The following CDH8 variants were observed in gnomAD, a reference collection of about 807,000 sequenced individuals.
CDH8 encodes cadherin-8.
CDH8 carries 17 observed loss-of-function variants against 68.1 expected under a neutral mutation model. The observed-to-expected ratio is 0.25, with a 90% CI of 0.17 to 0.37. CDH8 has a LOEUF of 0.37. Ranked by LOEUF, CDH8 falls within the 10% of genes least tolerant of loss-of-function variation. The pLI is 1.00. For synonymous variants in CDH8, 372 were observed against 365.1 expected (o/e 1.02, Z -0.21); for missense variants, 763 against 999.3 (o/e 0.76, Z 3.19).
chr16:61,828,073 C>T (rs1369278771), intron 4 of CDH8, among the ~76,000 whole-genome samples: 1 of 151,812 alleles, frequency 6.6e-6, no homozygotes, highest in South Asian at 2.1e-4. Flanking sequence ...GAACAAGATA[C>T]AGATCATAAA....
chr16:61,705,866 T>C (rs11643658), intron 10 of CDH8, among the ~76,000 whole-genome samples: 31,076 of 152,210 alleles, frequency 0.2, 3,706 homozygotes, highest in African/African-American at 0.32. Context: ...TTGTAAATTA[T>C]AGTTTCCTCT....
intron 2 of CDH8, among the ~76,000 whole-genome samples, chr16:61,939,773 T>C (rs910926795): frequency 6.6e-6 from 1 of 152,170 alleles, no homozygotes; most frequent in African/African-American, 2.4e-5. Flanking sequence ...GGTTTAGCAA[T>C]TTGTAGAAAG....
intron 2 of CDH8, among the ~76,000 whole-genome samples, chr16:61,948,751 G>A (rs2143573416): frequency 6.6e-6 from 1 of 152,230 alleles, no homozygotes; most frequent in South Asian, 2.1e-4. Context: ...TTGGAACAGT[G>A]TCTTTTTAAG....
At chr16:61,677,035 T>A (rs1006246356) in intron 10 of CDH8, among the ~76,000 whole-genome samples, 1 of 151,976 alleles carries the variant, frequency 6.6e-6, no homozygotes, top group African/African-American at 2.4e-5. Flanking sequence ...AAAAGATGGC[T>A]TTTTATAAAC....
At position 61,648,577 on chromosome 16, in the gene CDH8, C is replaced by T. The variant is rs1211479260; in HGVS notation, c.*5031G>A. ...GGGATTTAGTGTCAGATCAACCAAA[C>T]TTAAACCCAGACTCAAATAGTATTT... On this transcript the variant is annotated 3_prime_UTR_variant, in exon 12 of 12. Transcript: ENST00000577390. 1 of 151,624 alleles carries T rather than the reference C, an allele frequency of 6.6e-6. No individual in the cohort carries two copies. The highest frequency in any genetic ancestry group is 1.5e-5 in the Non-Finnish European group (1 of 67,810). The allele number at this position is 151,624 out of a possible 1,614,324, so 9.4% of individuals were successfully genotyped here. A position where few individuals can be genotyped will look rare whatever the true frequency, so the allele number is the denominator to read the frequency against.
chr16:61,835,718 T>C (rs1376064364), intron 4 of CDH8, among the ~76,000 whole-genome samples: 1 of 152,006 alleles, frequency 6.6e-6, no homozygotes, highest in African/African-American at 2.4e-5. Context: ...GGCACTATTC[T>C]TTCCTTAAGC....
intron 8 of CDH8, among the ~76,000 whole-genome samples, chr16:61,753,452 C>T (rs910661866): frequency 3.9e-5 from 6 of 152,064 alleles, no homozygotes; most frequent in South Asian, 2.1e-4. Context: ...GCTGCCCAGG[C>T]GGGTCTCAGA....
intron 2 of CDH8, among the ~76,000 whole-genome samples, chr16:61,951,214 T>A (rs1845728795): frequency 6.6e-6 from 1 of 152,032 alleles, no homozygotes; most frequent in Non-Finnish European, 1.5e-5. Context: ...AATACATGTA[T>A]AAAAGATGCC....
chr16:61,657,441 T>A (rs192449264), intron 10 of CDH8, among the ~76,000 whole-genome samples: 1 of 152,138 alleles, frequency 6.6e-6, no homozygotes, highest in African/African-American at 2.4e-5. Flanking sequence ...TACATCATTA[T>A]ATAGTAATTT....
intron 2 of CDH8, among the ~76,000 whole-genome samples, chr16:61,964,649 T>C (rs905858752): frequency 6.6e-6 from 1 of 152,028 alleles, no homozygotes; most frequent in Non-Finnish European, 1.5e-5. Flanking sequence ...GCCTTGAGTA[T>C]AGCACTGCTT....
At chr16:61,985,918 C>CTTTTTT (rs71134380) in intron 2 of CDH8, among the ~76,000 whole-genome samples, 31 of 91,108 alleles carry the variant, frequency 3.4e-4, no homozygotes, top group Non-Finnish European at 3.9e-4. Context: ...CCTTTCTTTA[C>CTTTTTT]TTTTTTTTTT....
intron 2 of CDH8, among the ~76,000 whole-genome samples, chr16:62,001,793 G>T (rs1034188765): frequency 6.6e-6 from 1 of 152,090 alleles, no homozygotes; most frequent in African/African-American, 2.4e-5. Flanking sequence ...TTAACATTAG[G>T]TATAACTCCT....
chr16:61,734,642 TTCTC>T (rs922680572), intron 8 of CDH8, among the ~76,000 whole-genome samples: 3 of 150,858 alleles, frequency 2.0e-5, no homozygotes, highest in Admixed American at 1.3e-4. Context: ...CCTTCCTTCC[TTCTC>T]TCTCTCTCTC....
At chr16:61,810,756 G>A (rs1280345120) in intron 7 of CDH8, among the ~76,000 whole-genome samples, 1 of 152,120 alleles carries the variant, frequency 6.6e-6, no homozygotes, top group Non-Finnish European at 1.5e-5. Flanking sequence ...GAGAGCAGTA[G>A]CTCACGCCTG....
intron 2 of CDH8, among the ~76,000 whole-genome samples, chr16:61,969,835 G>C (rs1965310638): frequency 6.6e-6 from 1 of 152,152 alleles, no homozygotes; most frequent in African/African-American, 2.4e-5. Flanking sequence ...AAACAACAAT[G>C]CTTAGACCCA....
chr16:61,911,330 C>T (rs572682557), intron 2 of CDH8, among the ~76,000 whole-genome samples: 3 of 152,182 alleles, frequency 2.0e-5, no homozygotes, highest in Admixed American at 6.5e-5. Context: ...AGATTCTCAG[C>T]CATCCTTCCA....
intron 10 of CDH8, among the ~76,000 whole-genome samples, chr16:61,687,434 C>T (rs57455767): frequency 0.058 from 8,876 of 151,994 alleles, 893 homozygotes; most frequent in African/African-American, 0.2. Flanking sequence ...TTTCTAAAAG[C>T]CATTCTGTTC....
chr16:61,926,152 GGTGTGTGT>G (rs61028306), intron 2 of CDH8, among the ~76,000 whole-genome samples: 13 of 142,210 alleles, frequency 9.1e-5, no homozygotes, highest in African/African-American at 2.3e-4. Context: ...ACTCAGAAGG[GGTGTGTGT>G]GTGTGTGTGT....
intron 10 of CDH8, among the ~76,000 whole-genome samples, chr16:61,712,469 T>A (rs2142867049): frequency 6.6e-6 from 1 of 151,832 alleles, no homozygotes; most frequent in South Asian, 2.1e-4. Flanking sequence ...AAATAGTGCC[T>A]GATACTTACT....
Sources: allele counts gnomAD v4.1 joint callset (sites outside exome capture counted in the v4.1 genomes callset), GRCh38; gene constraint gnomAD v4.1.1; transcripts MANE v1.5; gene names NCBI Gene and HGNC (gene_info 2026-07-23, HGNC 2026-07-21).